Variants in MCHR2 observed in about 807,000 individuals in gnomAD.
The protein encoded by MCHR2 is melanin concentrating hormone receptor 2, also known as melanin-concentrating hormone receptor 2.
In MCHR2, 15 loss-of-function variants were observed where a neutral mutation model predicts 24.8. That is an observed-to-expected ratio of 0.60 (90% CI 0.40 to 0.93). The LOEUF (loss-of-function observed/expected upper bound fraction) is 0.93, where lower values mean the gene tolerates loss of function less well. MCHR2 is among the 40% of genes least tolerant of loss of function. The probability of loss-of-function intolerance (pLI) is 0.00; values close to 1 mark genes in which losing one functional copy is unlikely to be tolerated. For synonymous variants in MCHR2, 151 were observed against 147.6 expected, an observed-to-expected ratio of 1.02 and a Z score of -0.17; for missense variants, 386 against 408.7, an observed-to-expected ratio of 0.94 and a Z score of 0.48.
chr6:99,927,764 C>T (rs540002001), intron 5 of MCHR2, among the ~76,000 whole-genome samples: 3 of 152,218 alleles, frequency 2.0e-5, no homozygotes, highest in South Asian at 2.1e-4. Flanking sequence ...TCTAGATATA[C>T]AATCATGTCA....
At chr6:99,982,475 A>AAAAAG (rs1562135874) in intron 1 of MCHR2, among the ~76,000 whole-genome samples, 17 of 144,738 alleles carry the variant, frequency 1.2e-4, no homozygotes, top group African/African-American at 3.1e-4. Flanking sequence ...CAGAAAAAAA[A>AAAAAG]AAAAAAAAAA....
intron 4 of MCHR2, among the ~76,000 whole-genome samples, chr6:99,942,193 A>G (rs1447287301): frequency 6.6e-6 from 1 of 152,182 alleles, no homozygotes; most frequent in South Asian, 2.1e-4. Context: ...GCTTAAAACA[A>G]TAGAAATTTA....
At chr6:99,930,737 C>T (rs536562842) in intron 5 of MCHR2, among the ~76,000 whole-genome samples, 6 of 152,098 alleles carry the variant, frequency 3.9e-5, no homozygotes, top group African/African-American at 1.2e-4. Flanking sequence ...GTTATGCATT[C>T]GTCTAAATTT....
intron 4 of MCHR2, among the ~76,000 whole-genome samples, chr6:99,938,413 C>CA (rs1774708558): frequency 6.6e-6 from 1 of 151,938 alleles, no homozygotes; most frequent in Non-Finnish European, 1.5e-5. Context: ...TCGTTTGTTT[C>CA]AAAAATGTTT....
chr6:99,961,917 T>C (rs1176607612), intron 1 of MCHR2, among the ~76,000 whole-genome samples: 1 of 152,122 alleles, frequency 6.6e-6, no homozygotes, highest in Non-Finnish European at 1.5e-5. Flanking sequence ...TGGAATGAAA[T>C]CTATGACAGC....
chr6:99,965,214 TCTAA>T, intron 1 of MCHR2, among the ~76,000 whole-genome samples: 1 of 152,306 alleles, frequency 6.6e-6, no homozygotes, highest in Non-Finnish European at 1.5e-5. Flanking sequence ...AAGGCAATAA[TCTAA>T]CTCTCTGTTC....
chr6:99,941,183 G>A (rs1774763072), intron 4 of MCHR2, among the ~76,000 whole-genome samples: 1 of 151,352 alleles, frequency 6.6e-6, no homozygotes. Context: ...CAGGCAGAAT[G>A]GGGGAGAGGG....
chr6:99,949,360 G>A (rs868333293), intron 2 of MCHR2, among the ~76,000 whole-genome samples: 30 of 152,232 alleles, frequency 2.0e-4, no homozygotes, highest in African/African-American at 7.0e-4. Context: ...TCTTTCCTGG[G>A]AACTGTCAAG....
intron 1 of MCHR2, among the ~76,000 whole-genome samples, chr6:99,982,489 A>AAAAAAAC (rs1775689695): frequency 6.7e-6 from 1 of 149,306 alleles, no homozygotes; most frequent in African/African-American, 2.5e-5. Context: ...AAAAAAAAAA[A>AAAAAAAC]AAAGCCAGGT....
At position 99,958,431 on chromosome 6, in the gene MCHR2, A is replaced by G. The variant is rs969787421; in HGVS notation, c.-27-2257T>C. ...TCCATGTGACTTAAAAACAAATGTAAAAGGCTTTTAGAAGTGAATATAGAG... is the reference window on the plus strand; with the variant it reads ...TCCATGTGACTTAAAAACAAATGTAGAAGGCTTTTAGAAGTGAATATAGAG... On this transcript the variant is annotated intron_variant, in intron 1 of 5. Transcript: ENST00000281806. Among the ~76,000 whole-genome samples the G allele has an allele frequency of 7.9e-5, 12 of 151,786 alleles. 1 individual carries two copies. In the East Asian group the frequency reaches 2.3e-3, roughly 29 times the overall value.
intron 5 of MCHR2, among the ~76,000 whole-genome samples, chr6:99,925,805 T>C (rs1026972906): frequency 6.6e-6 from 1 of 151,320 alleles, no homozygotes; most frequent in Non-Finnish European, 1.5e-5. Flanking sequence ...TTTTTTTTGT[T>C]ATTTTATTTT....
intron 1 of MCHR2, among the ~76,000 whole-genome samples, chr6:99,983,337 A>T (rs970146369): frequency 6.6e-6 from 1 of 152,148 alleles, no homozygotes; most frequent in African/African-American, 2.4e-5. Flanking sequence ...TCATACTTAG[A>T]TGTTTGTCTA....
At chr6:99,988,866 T>C (rs1214003441) in intron 1 of MCHR2, among the ~76,000 whole-genome samples, 1 of 152,206 alleles carries the variant, frequency 6.6e-6, no homozygotes, top group Non-Finnish European at 1.5e-5. Context: ...TTCCATATAA[T>C]GAATGGCATA....
chr6:99,964,228 A>G (rs567607182), intron 1 of MCHR2, among the ~76,000 whole-genome samples: 2 of 152,260 alleles, frequency 1.3e-5, no homozygotes, highest in African/African-American at 4.8e-5. Context: ...GAATAGATAC[A>G]TATTGCTGTA....
intron 1 of MCHR2, among the ~76,000 whole-genome samples, chr6:99,980,989 A>C (rs1018979801): frequency 6.6e-6 from 1 of 152,220 alleles, no homozygotes; most frequent in Admixed American, 6.5e-5. Context: ...AGGGTTGCAA[A>C]TTTAACAAAG....
chr6:99,931,579 A>C (rs115941546), intron 5 of MCHR2, among the ~76,000 whole-genome samples: 1 of 151,966 alleles, frequency 6.6e-6, no homozygotes, highest in Non-Finnish European at 1.5e-5. Flanking sequence ...GCCGCCTTGC[A>C]GTTTGGTCTG....
At chr6:99,928,050 T>G (rs1454940231) in intron 5 of MCHR2, among the ~76,000 whole-genome samples, 3 of 152,178 alleles carry the variant, frequency 2.0e-5, no homozygotes, top group South Asian at 2.1e-4. Context: ...GCATGAAGTG[T>G]TGTTGAATTT....
At chr6:99,953,687 C>CT (rs67143555) in intron 2 of MCHR2, among the ~76,000 whole-genome samples, 61,729 of 148,100 alleles carry the variant, frequency 0.42, 13,029 homozygotes, top group East Asian at 0.76. Context: ...ATAGACGCTG[C>CT]TTTTTTTTTT....
intron 5 of MCHR2, among the ~76,000 whole-genome samples, chr6:99,930,415 A>T (rs942720149): frequency 8.5e-5 from 13 of 152,142 alleles, no homozygotes; most frequent in African/African-American, 3.1e-4. Context: ...GTTCTCCTGG[A>T]TAATATCCTG....
Sources: gnomAD v4.1 joint callset for allele counts (sites outside exome capture counted in the v4.1 genomes callset) on GRCh38, gnomAD v4.1.1 for gene constraint, MANE v1.5 for transcripts, NCBI Gene and HGNC (gene_info 2026-07-23, HGNC 2026-07-21) for gene names.